The following DIS3L2 variants were observed in gnomAD, a reference collection of about 807,000 sequenced individuals.
DIS3L2 encodes the protein DIS3 like 3'-5' exoribonuclease 2, also known as DIS3-like exonuclease 2.
Under a neutral mutation model 97.5 loss-of-function variants are expected in DIS3L2, and 34 were observed. That is an observed-to-expected ratio of 0.35 (90% CI 0.27 to 0.46). The LOEUF (loss-of-function observed/expected upper bound fraction) is 0.46. Ranked by LOEUF, DIS3L2 falls within the 20% of genes least tolerant of loss-of-function variation. DIS3L2 has a pLI of 1.00. For missense variants in DIS3L2, 1,038 were observed against 1,146.0 expected (o/e 0.91, Z 1.36); for synonymous variants, 435 against 445.2 (o/e 0.98, Z 0.29).
At chr2:232,024,531 A>G (rs1326246123) in intron 4 of DIS3L2, among the ~76,000 whole-genome samples, 1 of 152,204 alleles carries the variant, frequency 6.6e-6, no homozygotes, top group Non-Finnish European at 1.5e-5. Context: ...TCGCATGCCA[A>G]ATGAAAGGGA....
chr2:232,091,571 T>C (rs1158172715), intron 6 of DIS3L2, among the ~76,000 whole-genome samples: 1 of 152,168 alleles, frequency 6.6e-6, no homozygotes, highest in Non-Finnish European at 1.5e-5. Context: ...GACACGTAGG[T>C]TGTTTCCAAA....
At chr2:232,226,704 G>C (rs1439043862) in intron 10 of DIS3L2, among the ~76,000 whole-genome samples, 2 of 152,194 alleles carry the variant, frequency 1.3e-5, no homozygotes, top group Admixed American at 1.3e-4. Context: ...AGGTGGGGTG[G>C]CTCACGCCTG....
chr2:232,184,278 T>C (rs150391053), intron 9 of DIS3L2, among the ~76,000 whole-genome samples: 70 of 152,226 alleles, frequency 4.6e-4, no homozygotes, highest in African/African-American at 1.5e-3. Flanking sequence ...GAGTTGGAGA[T>C]AAAAGAAGAC....
At chr2:232,148,119 G>A (rs1690274087) in intron 8 of DIS3L2, among the ~76,000 whole-genome samples, 1 of 139,620 alleles carries the variant, frequency 7.2e-6, no homozygotes, top group African/African-American at 2.7e-5. Flanking sequence ...GTTCAATCTC[G>A]GCTCACTGCA....
At chr2:231,975,011 G>A (rs1488501531) in intron 1 of DIS3L2, among the ~76,000 whole-genome samples, 1 of 152,144 alleles carries the variant, frequency 6.6e-6, no homozygotes, top group African/African-American at 2.4e-5. Flanking sequence ...TTTATCGTTT[G>A]TCTCACCATA....
At chr2:232,249,161 T>A in intron 11 of DIS3L2, 78 bp from the exon 12 acceptor site, 1 of 1,405,502 alleles carries the variant, frequency 7.1e-7, no homozygotes, top group Non-Finnish European at 9.9e-7. Flanking sequence ...GCTGAAGCTG[T>A]TCACCAAAAC....
At chr2:232,027,510 T>G (rs766139595) in intron 4 of DIS3L2, among the ~76,000 whole-genome samples, 26 of 152,214 alleles carry the variant, frequency 1.7e-4, no homozygotes, top group Non-Finnish European at 3.2e-4. Flanking sequence ...GTTGCTCACA[T>G]TCTAAAGTTT....
chr2:232,167,277 C>T (rs1009948103), intron 9 of DIS3L2, among the ~76,000 whole-genome samples: 2 of 151,746 alleles, frequency 1.3e-5, no homozygotes, highest in African/African-American at 4.8e-5. Context: ...CTATTACGTA[C>T]ATTATAAATG....
At chr2:231,971,582 G>A (rs1428249661) in intron 1 of DIS3L2, among the ~76,000 whole-genome samples, 2 of 152,094 alleles carry the variant, frequency 1.3e-5, no homozygotes, top group African/African-American at 2.4e-5. Flanking sequence ...TGAGTAGCTG[G>A]GACTACAGGC....
At chr2:232,280,911 C>G (rs922536511) in intron 13 of DIS3L2, among the ~76,000 whole-genome samples, 8 of 152,196 alleles carry the variant, frequency 5.3e-5, no homozygotes, top group African/African-American at 1.9e-4. Flanking sequence ...TCCAGTAAGG[C>G]AAGGCAGTTG....
intron 10 of DIS3L2, among the ~76,000 whole-genome samples, chr2:232,233,148 C>G (rs559778912): frequency 4.2e-4 from 64 of 152,308 alleles, no homozygotes; most frequent in African/African-American, 1.5e-3. Flanking sequence ...AAAAGGCTTT[C>G]CAGGCATCAC....
chr2:232,158,700 G>A (rs1001419099), intron 8 of DIS3L2, among the ~76,000 whole-genome samples: 1 of 151,894 alleles, frequency 6.6e-6, no homozygotes, highest in African/African-American at 2.4e-5. Context: ...GGTCTTTTGT[G>A]CTTACAAACA....
chr2:231,974,351 G>A (rs529903088), intron 1 of DIS3L2, among the ~76,000 whole-genome samples: 1 of 152,228 alleles, frequency 6.6e-6, no homozygotes, highest in East Asian at 1.9e-4. Context: ...GGCTGGAATA[G>A]CCTCAAGGTC....
At chr2:232,297,948 C>T (rs1694761876) in intron 13 of DIS3L2, among the ~76,000 whole-genome samples, 1 of 152,158 alleles carries the variant, frequency 6.6e-6, no homozygotes, top group African/African-American at 2.4e-5. Flanking sequence ...CCACCCGCCT[C>T]GGCCTCCCAA....
rs191898788 is a variant in DIS3L2 at position 232,304,753 on chromosome 2, T to G, written c.1739+4634T>G. 1.3e-3 allele frequency among the ~76,000 whole-genome samples: 194 copies of G among 152,270 alleles called. 1 individual carries two copies. Among genetic ancestry groups the G allele is most frequent in the South Asian group, 7.1e-3 (34 of 4,818 alleles). On this transcript the variant is annotated intron_variant, in intron 14 of 20. Coordinates refer to ENST00000325385, the MANE Select transcript of DIS3L2 (RefSeq NM_152383.5). ...CTTCTGGTTGCTTTTTAGACCTTAT[T>G]TTTGTCTTTGGCATTCTGCAGTTTT...
intron 6 of DIS3L2, among the ~76,000 whole-genome samples, chr2:232,092,683 T>C (rs1262342537): frequency 1.3e-5 from 2 of 152,234 alleles, no homozygotes; most frequent in Non-Finnish European, 2.9e-5. Context: ...CTTTCTTGCT[T>C]TCTTTTTCAG....
chr2:232,188,559 C>T (rs1365682897), intron 9 of DIS3L2, among the ~76,000 whole-genome samples: 2 of 152,110 alleles, frequency 1.3e-5, no homozygotes, highest in Admixed American at 1.3e-4. Flanking sequence ...AACCTCATGC[C>T]TTATGCAAAA....
At chr2:232,278,550 A>G (rs1694204909) in intron 13 of DIS3L2, among the ~76,000 whole-genome samples, 1 of 152,156 alleles carries the variant, frequency 6.6e-6, no homozygotes, top group Non-Finnish European at 1.5e-5. Context: ...TGTCACACAA[A>G]TGGAATCATT....
rs79189337 is a variant in DIS3L2, at chr2:232,212,506, A to G, written c.1204+2101A>G. On this transcript the variant is annotated intron_variant, in intron 10 of 20. Transcript: ENST00000325385. ...TACTCACTGCATACACTGTGGTTTT[A>G]TGTCTAGGGCCCAAGTGTGTCAGCA... Among the ~76,000 whole-genome samples the G allele has an allele frequency of 2.9e-3, 435 of 152,340 alleles. 1 individual carries two copies. The highest frequency in any genetic ancestry group is 4.7e-3 in the Non-Finnish European group (323 of 68,034).
Sources: allele counts gnomAD v4.1 joint callset (sites outside exome capture counted in the v4.1 genomes callset), GRCh38; gene constraint gnomAD v4.1.1; transcripts MANE v1.5; gene names NCBI Gene and HGNC (gene_info 2026-07-23, HGNC 2026-07-21).